The following ESYT3 variants were observed in gnomAD, a reference collection of about 807,000 sequenced individuals.
The protein encoded by ESYT3 is extended synaptotagmin 3, also known as extended synaptotagmin-3.
A neutral mutation model predicts 111.5 loss-of-function variants in ESYT3; 101 were observed. The ratio of observed to expected loss-of-function variants is 0.91; its 90% CI spans 0.77 to 1.07. The LOEUF is 1.07. Among genes scored for constraint, ESYT3 ranks in the 50% least tolerant of loss-of-function variants. The probability of loss-of-function intolerance (pLI) is 0.00; values close to 1 mark genes in which losing one functional copy is unlikely to be tolerated. For synonymous variants in ESYT3, 416 were observed against 446.8 expected, an observed-to-expected ratio of 0.93 and a Z score of 0.87; for missense variants, 1,097 against 1,109.4, an observed-to-expected ratio of 0.99 and a Z score of 0.16.
chr3:138,474,077 G>A (rs951208520), intron 19 of ESYT3, 144 bp from the exon 20 acceptor site: 30 of 1,061,380 alleles, frequency 2.8e-5, no homozygotes, highest in South Asian at 7.9e-5. Flanking sequence ...ATCCTTAAGC[G>A]TATCTAATGC....
At chr3:138,461,992 A>T in intron 7 of ESYT3, 94 bp from the exon 8 acceptor site, 1 of 1,587,138 alleles carries the variant, frequency 6.3e-7, no homozygotes, top group South Asian at 1.1e-5. Context: ...CCACCCTACC[A>T]ATCTGGGCTC....
intron 18 of ESYT3, 97 bp from the exon 19 acceptor site, chr3:138,473,439 A>G (rs964496585): frequency 1.9e-6 from 2 of 1,070,248 alleles, no homozygotes; most frequent in Non-Finnish European, 2.8e-6. Context: ...ACATGGCTCT[A>G]TACTCCTCAA....
intron 1 of ESYT3, among the ~76,000 whole-genome samples, chr3:138,448,286 AAAAAAAAT>A (rs1386609460): frequency 6.6e-6 from 1 of 150,544 alleles, no homozygotes; most frequent in East Asian, 1.9e-4. Flanking sequence ...AAAAAAAAAA[AAAAAAAAT>A]GCAGGGGAGG....
At chr3:138,460,976 T>A (rs1289183797) in intron 7 of ESYT3, among the ~76,000 whole-genome samples, 2 of 151,638 alleles carry the variant, frequency 1.3e-5, no homozygotes, top group East Asian at 3.9e-4. Flanking sequence ...AGGGGGAGAG[T>A]GGCTCTGTCT....
chr3:138,443,036 A>G (rs1297107822), intron 1 of ESYT3, among the ~76,000 whole-genome samples: 1 of 152,150 alleles, frequency 6.6e-6, no homozygotes, highest in Non-Finnish European at 1.5e-5. Context: ...TCCCCTTTAA[A>G]AAACTACTCT....
In ESYT3 at chr3:138,435,152, G is replaced by C. The variant is rs1262879034; in HGVS notation, c.327+27G>C. ...TGAGCCAAGCCGGGTGGGAGTGGGA[G>C]GTGGGGAGATGCCTTTCGAGGTTCG... On this transcript the variant is annotated intron_variant, in intron 1 of 22. Coordinates refer to ENST00000389567, the MANE Select transcript of ESYT3 (RefSeq NM_031913.5). The surrounding 1 kb of genome is among the most constrained non-coding windows in gnomAD (Gnocchi z 4.8). The C allele has an allele frequency of 6.5e-7, 1 of 1,534,166 alleles. No individual in the cohort carries two copies. Among genetic ancestry groups the C allele is most frequent in the South Asian group, 1.2e-5 (1 of 80,434 alleles).
chr3:138,462,555 A>G, intron 8 of ESYT3: 1 of 424,042 alleles, frequency 2.4e-6, no homozygotes, highest in East Asian at 3.7e-5. Flanking sequence ...GTAGTTGTAC[A>G]TTTCCAAAGT....
chr3:138,470,888 T>TGAC lies in ESYT3; in HGVS notation c.1603_1605dup (p.Asp535dup). ...GGACCACTGCCCAGGTGCTTGATGATGACCAGGAGTGTGCTCTGGGAATGC... is the reference window on the plus strand; with the variant it reads ...GGACCACTGCCCAGGTGCTTGATGATGACGACCAGGAGTGTGCTCTGGGAATGC... On this transcript the variant is annotated inframe_insertion, in exon 17 of 23. Coordinates refer to ENST00000389567, the MANE Select transcript of ESYT3 (RefSeq NM_031913.5). 6.2e-7 allele frequency: 1 copy of TGAC among 1,614,130 alleles called. No individual in the cohort carries two copies. The highest frequency in any genetic ancestry group is 8.5e-7 in the Non-Finnish European group (1 of 1,180,012).
chr3:138,475,322 G>A (rs949944586), intron 20 of ESYT3, among the ~76,000 whole-genome samples: 1 of 152,152 alleles, frequency 6.6e-6, no homozygotes, highest in African/African-American at 2.4e-5. Flanking sequence ...ATATATGAGG[G>A]AAGAGGTTTA....
At chr3:138,450,864 A>C (rs2031875176) in intron 1 of ESYT3, among the ~76,000 whole-genome samples, 1 of 152,144 alleles carries the variant, frequency 6.6e-6, no homozygotes, top group African/African-American at 2.4e-5. Context: ...TCCCAGATAG[A>C]GGGGGCATGC....
intron 1 of ESYT3, among the ~76,000 whole-genome samples, chr3:138,436,139 A>C (rs2030666720): frequency 6.6e-6 from 1 of 152,228 alleles, no homozygotes; most frequent in African/African-American, 2.4e-5. Context: ...TTTATCTTAT[A>C]AGAGAAATGA....
intron 8 of ESYT3, among the ~76,000 whole-genome samples, chr3:138,463,256 G>T (rs2032748032): frequency 6.6e-6 from 1 of 152,056 alleles, no homozygotes; most frequent in South Asian, 2.1e-4. Context: ...CACCAAGCCT[G>T]GCTAATTTTT....
At chr3:138,446,490 A>G (rs542555462) in intron 1 of ESYT3, among the ~76,000 whole-genome samples, 2 of 152,366 alleles carry the variant, frequency 1.3e-5, no homozygotes, top group South Asian at 4.1e-4. Context: ...AAAATATGCA[A>G]CTGGCCAAGT....
chr3:138,478,253 C>T lies in ESYT3; in HGVS notation c.*1399C>T, dbSNP rs2033575883. On this transcript the variant is annotated 3_prime_UTR_variant, in exon 23 of 23. Coordinates refer to ENST00000389567, the MANE Select transcript of ESYT3 (RefSeq NM_031913.5). ...TTGGTATTTAATTTTGTTTATTCTC[C>T]AGTTGAACAGTAGGGAACAATTCAA... 6.6e-6 allele frequency: 1 copy of T among 152,164 alleles called. No individual in the cohort carries two copies. The highest frequency in any genetic ancestry group is 1.5e-5 in the Non-Finnish European group (1 of 68,040). 9.4% of individuals were successfully genotyped at this position (152,164 alleles called of 1,614,324 possible). A position where few individuals can be genotyped will look rare whatever the true frequency, so the allele number is the denominator to read the frequency against.
chr3:138,475,574 A>AG (rs374142737), intron 20 of ESYT3, among the ~76,000 whole-genome samples: 1 of 152,096 alleles, frequency 6.6e-6, no homozygotes. Context: ...AAAACTGAGA[A>AG]GGGGGTTGAG....
chr3:138,476,117 A>G (rs762881743), intron 20 of ESYT3, 106 bp from the exon 21 acceptor site: 20 of 727,006 alleles, frequency 2.8e-5, no homozygotes, highest in Middle Eastern at 3.8e-4. Flanking sequence ...GGTGCTCCTA[A>G]TAGTCTGTAC....
chr3:138,469,219 C>T lies in ESYT3; in HGVS notation c.1435-217C>T, dbSNP rs1251761285. ...GCCAGGCCCAGCTCTGGCTTCTGGT[C>T]TTTTAACTTGGAACTGCTTTCTGGG... On this transcript the variant is annotated intron_variant, in intron 14 of 22. Transcript: ENST00000389567. 5.0e-6 allele frequency: 3 copies of T among 598,212 alleles called. No individual in the cohort carries two copies. In the African/African-American group the frequency reaches 5.6e-5, roughly 11 times the overall value. 37.1% of individuals were successfully genotyped at this position (598,212 alleles called of 1,614,324 possible).
In ESYT3 at chr3:138,447,800, A is replaced by G. The variant is rs1232347063; in HGVS notation, c.328-4248A>G. On this transcript the variant is annotated intron_variant, in intron 1 of 22. Transcript: ENST00000389567. Reference sequence around the variant, plus strand: ...AAATGTGAATAAATAAAGGGTGTCAATGATGTAATATTTAACCGTGTCAGC... The same window carrying G: ...AAATGTGAATAAATAAAGGGTGTCAGTGATGTAATATTTAACCGTGTCAGC... 3.3e-5 allele frequency among the ~76,000 whole-genome samples: 5 copies of G among 152,204 alleles called. No homozygotes were observed. In the East Asian group the frequency reaches 5.8e-4, roughly 18 times the overall value.
intron 1 of ESYT3, among the ~76,000 whole-genome samples, chr3:138,451,807 G>T (rs1231064354): frequency 6.6e-6 from 1 of 152,252 alleles, no homozygotes; most frequent in African/African-American, 2.4e-5. Flanking sequence ...CTCGTTGTCT[G>T]TTTATTTGCT....
Sources: allele counts gnomAD v4.1 joint callset (sites outside exome capture counted in the v4.1 genomes callset), GRCh38; gene constraint gnomAD v4.1.1; non-coding constraint Gnocchi (gnomAD v3.1); transcripts MANE v1.5; gene names NCBI Gene and HGNC (gene_info 2026-07-23, HGNC 2026-07-21).